The following KCNIP4 variants were observed in gnomAD, a reference collection of about 807,000 sequenced individuals.
The protein encoded by KCNIP4 is Kv channel-interacting protein 4.
A neutral mutation model predicts 34.0 loss-of-function variants in KCNIP4; 12 were observed. The observed-to-expected ratio is 0.35, with a 90% CI of 0.23 to 0.57. The LOEUF (loss-of-function observed/expected upper bound fraction) is 0.57, where lower values mean the gene tolerates loss of function less well. KCNIP4 is among the 20% of genes least tolerant of loss of function. The pLI, the probability that KCNIP4 is intolerant of heterozygous loss-of-function variation, is 0.83. For synonymous variants in KCNIP4, 124 were observed against 102.2 expected (o/e 1.21, Z -1.29); for missense variants, 238 against 311.7 (o/e 0.76, Z 1.78).
chr4:21,877,252 C>T (rs1216604103), intron 1 of KCNIP4, among the ~76,000 whole-genome samples: 2 of 152,012 alleles, frequency 1.3e-5, no homozygotes, highest in Non-Finnish European at 1.5e-5. Context: ...ACTTGGGAGG[C>T]TGAGGCAGGA....
At chr4:21,036,144 A>G (rs1360291847) in intron 1 of KCNIP4, among the ~76,000 whole-genome samples, 6 of 152,300 alleles carry the variant, frequency 3.9e-5, no homozygotes, top group South Asian at 2.1e-4. Flanking sequence ...TTTGCCACAG[A>G]GTCTGTTTGG....
intron 1 of KCNIP4, among the ~76,000 whole-genome samples, chr4:21,519,564 ATATATACACATATGTGTGTGTATGTATG>A (rs1560480067): frequency 3.4e-4 from 8 of 23,470 alleles, no homozygotes; most frequent in South Asian, 4.3e-3. Flanking sequence ...GTGTATGTGT[ATATATACACATATGTGTGTGTATGTATG>A]TGTATATATA....
At chr4:21,552,716 A>C (rs959119919) in intron 1 of KCNIP4, among the ~76,000 whole-genome samples, 1 of 152,100 alleles carries the variant, frequency 6.6e-6, no homozygotes, top group Non-Finnish European at 1.5e-5. Flanking sequence ...TTTTTTTAAT[A>C]CTTAGTTTTT....
intron 1 of KCNIP4, chr4:20,984,135 T>A: frequency 1.4e-6 from 1 of 691,114 alleles, no homozygotes; most frequent in Non-Finnish European, 2.3e-6. Context: ...ATCCTGGCAT[T>A]TGGCTGGCGG....
intron 1 of KCNIP4, among the ~76,000 whole-genome samples, chr4:21,078,255 G>T (rs760908942): frequency 2.4e-4 from 37 of 152,098 alleles, no homozygotes; most frequent in Non-Finnish European, 4.6e-4. Flanking sequence ...TATCTAGTTT[G>T]GGTAACTAGG....
chr4:20,819,894 A>G (rs1433984542), intron 3 of KCNIP4, among the ~76,000 whole-genome samples: 2 of 152,202 alleles, frequency 1.3e-5, no homozygotes, highest in Non-Finnish European at 2.9e-5. Flanking sequence ...TTGATCTTGG[A>G]CTTGCCAGCC....
chr4:20,731,837 G>A (rs1748318402), intron 8 of KCNIP4, 169 bp downstream of exon 8: 1 of 985,260 alleles, frequency 1.0e-6, no homozygotes, highest in Admixed American at 6.2e-5. Context: ...TGTTGATTAT[G>A]TAATTGGTGC....
At chr4:21,750,147 G>A (rs376850577) in intron 1 of KCNIP4, among the ~76,000 whole-genome samples, 13 of 152,100 alleles carry the variant, frequency 8.5e-5, no homozygotes, top group African/African-American at 1.4e-4. Context: ...CATTGTAGAC[G>A]CTGCCTGCCC....
chr4:21,278,754 G>A (rs1762595549), intron 1 of KCNIP4, among the ~76,000 whole-genome samples: 1 of 152,174 alleles, frequency 6.6e-6, no homozygotes, highest in South Asian at 2.1e-4. Flanking sequence ...CCCAAGGGCA[G>A]AGGGGAGATG....
chr4:20,743,344 A>G (rs887978903), intron 5 of KCNIP4, among the ~76,000 whole-genome samples: 1 of 152,160 alleles, frequency 6.6e-6, no homozygotes, highest in East Asian at 1.9e-4. Flanking sequence ...AAAGCTGGAG[A>G]CATCATGCTG....
intron 1 of KCNIP4, among the ~76,000 whole-genome samples, chr4:21,063,890 T>C (rs1434519391): frequency 6.6e-6 from 1 of 152,122 alleles, no homozygotes; most frequent in Non-Finnish European, 1.5e-5. Context: ...ATATGAAATA[T>C]TTTTAATTAT....
intron 1 of KCNIP4, among the ~76,000 whole-genome samples, chr4:21,436,556 G>T (rs924480663): frequency 6.6e-6 from 1 of 152,128 alleles, no homozygotes; most frequent in Admixed American, 6.5e-5. Context: ...CAGGTAAAGC[G>T]ATGGAGTGAC....
intron 1 of KCNIP4, among the ~76,000 whole-genome samples, chr4:21,523,788 G>T (rs1039448296): frequency 6.6e-6 from 1 of 151,890 alleles, no homozygotes; most frequent in Non-Finnish European, 1.5e-5. Context: ...GTCCAGGCTG[G>T]TCTCAAACTC....
intron 1 of KCNIP4, among the ~76,000 whole-genome samples, chr4:20,997,428 G>A (rs1560632656): frequency 6.6e-6 from 1 of 152,146 alleles, no homozygotes; most frequent in African/African-American, 2.4e-5. Flanking sequence ...TATCAAAGGT[G>A]ATCTTAACTG....
chr4:21,465,582 A>T lies in KCNIP4; in HGVS notation c.61+482989T>A, dbSNP rs1384188131. ...TTTGTTGATATATCTGAATACATAC[A>T]TATCTGACTATAAAACATGACTCTG... On this transcript the variant is annotated intron_variant, in intron 1 of 8. Coordinates refer to ENST00000382152, the MANE Select transcript of KCNIP4 (RefSeq NM_025221.6). Among the ~76,000 whole-genome samples, 4 of 152,186 alleles carry T rather than the reference A, an allele frequency of 2.6e-5. No individual in the cohort carries two copies. In the East Asian group the frequency reaches 7.7e-4, roughly 29 times the overall value.
chr4:21,637,783 C>T (rs1435506579), intron 1 of KCNIP4, among the ~76,000 whole-genome samples: 2 of 109,474 alleles, frequency 1.8e-5, no homozygotes, highest in African/African-American at 7.1e-5. Flanking sequence ...AAGTCCGTCT[C>T]AAAAAAAAAA....
chr4:21,079,867 A>C (rs1405177313), intron 1 of KCNIP4, among the ~76,000 whole-genome samples: 1 of 151,770 alleles, frequency 6.6e-6, no homozygotes, highest in Admixed American at 6.6e-5. Context: ...ACACGGAAGC[A>C]CCCACAAGCC....
intron 1 of KCNIP4, among the ~76,000 whole-genome samples, chr4:21,549,852 T>C (rs772679743): frequency 9.9e-5 from 15 of 152,022 alleles, no homozygotes; most frequent in Non-Finnish European, 2.1e-4. Flanking sequence ...GGGTAGTATA[T>C]CCTATAGAAC....
intron 1 of KCNIP4, among the ~76,000 whole-genome samples, chr4:21,112,025 G>C (rs372953893): frequency 8.7e-6 from 1 of 114,730 alleles, no homozygotes; most frequent in African/African-American, 3.9e-5. Context: ...TCCTTTCTCT[G>C]TATCTATCTA....
Sources: gnomAD v4.1 joint callset for allele counts (sites outside exome capture counted in the v4.1 genomes callset) on GRCh38, gnomAD v4.1.1 for gene constraint, MANE v1.5 for transcripts, NCBI Gene and HGNC (gene_info 2026-07-23, HGNC 2026-07-21) for gene names.